ESR1: variants seen among roughly 807,000 people sequenced by gnomAD.
ESR1 encodes the protein estrogen receptor.
A neutral mutation model predicts 52.7 loss-of-function variants in ESR1; 12 were observed. The observed-to-expected ratio is 0.23, with a 90% CI of 0.15 to 0.37. ESR1 has a LOEUF of 0.37. ESR1 is among the 10% of genes least tolerant of loss of function. The pLI, the probability that ESR1 is intolerant of heterozygous loss-of-function variation, is 1.00. For missense variants in ESR1, 584 were observed against 779.7 expected (o/e 0.75, Z 2.99); for synonymous variants, 305 against 316.8 (o/e 0.96, Z 0.39).
chr6:152,100,278 A>G lies in ESR1; in HGVS notation c.*1312A>G, dbSNP rs1036985250. On this transcript the variant is annotated 3_prime_UTR_variant, in exon 8 of 8. Coordinates refer to ENST00000206249, the MANE Select transcript of ESR1 (RefSeq NM_000125.4). ...TACAATTGGCCCAGCACCCTGGGGC[A>G]CGGGAGAAGGGTGGGGACCGTTGCT... 1.5e-5 allele frequency: 6 copies of G among 393,502 alleles called. No homozygotes were observed. The highest frequency in any genetic ancestry group is 4.1e-5 in the African/African-American group (2 of 48,548). The allele number at this position is 393,502 out of a possible 1,614,324, so 24.4% of individuals were successfully genotyped here. A position where few individuals can be genotyped will look rare whatever the true frequency, so the allele number is the denominator to read the frequency against.
intron 2 of ESR1, among the ~76,000 whole-genome samples, chr6:151,796,165 C>CAAAA (rs546866561): frequency 1.3e-5 from 1 of 79,056 alleles, no homozygotes; most frequent in Non-Finnish European, 2.5e-5. Flanking sequence ...GACTCCGTCT[C>CAAAA]AAAAAAAAAA....
intron 3 of ESR1, among the ~76,000 whole-genome samples, chr6:151,900,416 A>G (rs1021275068): frequency 6.6e-6 from 1 of 152,098 alleles, no homozygotes; most frequent in Non-Finnish European, 1.5e-5. Flanking sequence ...TAGCTTAACA[A>G]TCGACCTTCT....
chr6:151,861,379 A>G (rs1788859847), intron 2 of ESR1, among the ~76,000 whole-genome samples: 1 of 152,236 alleles, frequency 6.6e-6, no homozygotes. Flanking sequence ...CAAAAAGGTA[A>G]TTATATCAAA....
chr6:151,707,638 A>G (rs1780282505), intron 2 of ESR1, among the ~76,000 whole-genome samples: 1 of 152,136 alleles, frequency 6.6e-6, no homozygotes, highest in Admixed American at 6.5e-5. Flanking sequence ...TTATTTCCTT[A>G]AGAGTAATTC....
chr6:152,127,899 C>A (rs540471165), exon 7 of ESR1: 18 of 152,206 alleles, frequency 1.2e-4, no homozygotes, highest in African/African-American at 4.3e-4. Flanking sequence ...GGGCTTTTTT[C>A]CCTCTTTCAG....
chr6:151,863,610 CT>C, intron 2 of ESR1, among the ~76,000 whole-genome samples: 1 of 152,166 alleles, frequency 6.6e-6, no homozygotes. Flanking sequence ...TTGACTTCCT[CT>C]TTTGCTAATT....
At chr6:151,668,723 C>G (rs1024532841) in intron 1 of ESR1, among the ~76,000 whole-genome samples, 3 of 152,132 alleles carry the variant, frequency 2.0e-5, no homozygotes, top group African/African-American at 7.2e-5. Flanking sequence ...GGTGCACATT[C>G]AAACCATAGA....
chr6:151,844,533 C>T (rs1381914604), intron 2 of ESR1, among the ~76,000 whole-genome samples: 2 of 152,138 alleles, frequency 1.3e-5, no homozygotes, highest in Non-Finnish European at 2.9e-5. Context: ...TTACAAGGGC[C>T]ATGCAGTCTC....
chr6:151,950,280 A>G (rs1436300403), intron 4 of ESR1, among the ~76,000 whole-genome samples: 6 of 152,136 alleles, frequency 3.9e-5, no homozygotes, highest in Admixed American at 3.3e-4. Flanking sequence ...GTGTGTGTTT[A>G]TGTTGAACGT....
rs187682396 is a variant in ESR1 at position 152,011,199 on chromosome 6, G to A, written c.1097-457G>A. On this transcript the variant is annotated intron_variant, in intron 4 of 7. Transcript: ENST00000206249. ...AAAAAGAGTGTGATTTAGGGACGAA[G>A]CAAAGAAATAAAAATTTAGTGACTT... is the stretch of plus-strand genomic sequence containing the variant. Among the ~76,000 whole-genome samples, 3 of 152,166 alleles carry A rather than the reference G, an allele frequency of 2.0e-5. No individual in the cohort carries two copies. The East Asian group carries it at 5.8e-4, about 29-fold the overall frequency.
intron 2 of ESR1, among the ~76,000 whole-genome samples, chr6:151,746,115 T>TG (rs1216451817): frequency 6.6e-6 from 1 of 152,180 alleles, no homozygotes; most frequent in Non-Finnish European, 1.5e-5. Flanking sequence ...ATTGATCTGT[T>TG]GGTAGACATT....
At chr6:151,743,335 CCGT>C (rs1414572332) in intron 2 of ESR1, among the ~76,000 whole-genome samples, 1 of 152,170 alleles carries the variant, frequency 6.6e-6, no homozygotes, top group Non-Finnish European at 1.5e-5. Context: ...TGAGCTCCTT[CCGT>C]CTCCTGATGT....
intron 2 of ESR1, among the ~76,000 whole-genome samples, chr6:151,762,216 C>T (rs1405602172): frequency 1.3e-5 from 2 of 152,206 alleles, no homozygotes; most frequent in Non-Finnish European, 2.9e-5. Context: ...ATCATTCTGA[C>T]ACCGTTATCT....
At chr6:152,117,130 T>C (rs369604199) in intron 6 of ESR1, among the ~76,000 whole-genome samples, 3 of 152,324 alleles carry the variant, frequency 2.0e-5, no homozygotes, top group African/African-American at 7.2e-5. Flanking sequence ...CTGAAAGCCA[T>C]GGCTACTTAC....
At chr6:151,966,398 C>T (rs2038277517) in intron 4 of ESR1, among the ~76,000 whole-genome samples, 1 of 152,194 alleles carries the variant, frequency 6.6e-6, no homozygotes, top group African/African-American at 2.4e-5. Context: ...CCTCAATAGG[C>T]TTTTTAATTA....
intron 2 of ESR1, among the ~76,000 whole-genome samples, chr6:151,744,899 T>C (rs1483983583): frequency 6.6e-6 from 1 of 152,190 alleles, no homozygotes; most frequent in Non-Finnish European, 1.5e-5. Flanking sequence ...TGGTGTGAGG[T>C]AGAGGTTCAA....
intron 6 of ESR1, among the ~76,000 whole-genome samples, chr6:152,109,908 G>C (rs1045886085): frequency 6.6e-6 from 1 of 152,174 alleles, no homozygotes; most frequent in African/African-American, 2.4e-5. Flanking sequence ...CTACAATGTT[G>C]TTGAAAAGAT....
chr6:151,850,507 C>T (rs1202700660), intron 2 of ESR1, among the ~76,000 whole-genome samples: 3 of 151,710 alleles, frequency 2.0e-5, no homozygotes, highest in Admixed American at 1.3e-4. Context: ...AAGCAAGGAA[C>T]ACCAAAGATT....
chr6:152,050,413 A>T (rs1199831393), intron 5 of ESR1, among the ~76,000 whole-genome samples: 1 of 152,184 alleles, frequency 6.6e-6, no homozygotes, highest in African/African-American at 2.4e-5. Flanking sequence ...CCATTTTTTC[A>T]GAATAACTCT....
Sources: allele counts gnomAD v4.1 joint callset (sites outside exome capture counted in the v4.1 genomes callset), GRCh38; gene constraint gnomAD v4.1.1; transcripts MANE v1.5; gene names NCBI Gene and HGNC (gene_info 2026-07-23, HGNC 2026-07-21).